Variants in CUX2 observed in about 807,000 individuals in gnomAD.
CUX2 encodes the protein cut like homeobox 2.
Under a neutral mutation model 144.8 loss-of-function variants are expected in CUX2, and 40 were observed. The observed-to-expected ratio is 0.28, with a 90% CI of 0.21 to 0.36. The LOEUF is 0.36. CUX2 is among the 10% of genes least tolerant of loss of function. The pLI is 1.00. For missense variants in CUX2, 1,615 were observed against 1,994.0 expected (o/e 0.81, Z 3.62); for synonymous variants, 827 against 875.6 (o/e 0.94, Z 0.98).
rs556497898 is a variant in CUX2 at position 111,304,857 on chromosome 12, A to G, written c.858+543A>G. ...TTTAGGAGTGTGAGCCAGCCAACAT[A>G]TCAACAGGCAGTCATCACCAGGACT... On this transcript the variant is annotated intron_variant, in intron 10 of 21. Coordinates refer to ENST00000261726, the MANE Select transcript of CUX2 (RefSeq NM_015267.4). The surrounding 1 kb of genome is among the most constrained non-coding windows in gnomAD (Gnocchi z 4.7). Among the ~76,000 whole-genome samples the G allele has an allele frequency of 3.9e-5, 6 of 152,258 alleles. No individual in the cohort carries two copies. Among genetic ancestry groups the G allele is most frequent in the African/African-American group, 1.4e-4 (6 of 41,554 alleles).
rs1387717972 is a variant in CUX2 at position 111,077,024 on chromosome 12, A to T, written c.63+42784A>T. On this transcript the variant is annotated intron_variant, in intron 1 of 21. Coordinates refer to ENST00000261726, the MANE Select transcript of CUX2 (RefSeq NM_015267.4). This position sits in a 1 kb window ranked among gnomAD's most constrained non-coding sequence, Gnocchi z 4.1. ...TGGCTCTTTTCATCTCCTCTTTTAA[A>T]CAGTCCCATTGCAACAGAGCTATTC... is the stretch of plus-strand genomic sequence containing the variant. Among the ~76,000 whole-genome samples the T allele has an allele frequency of 6.6e-6, 1 of 152,196 alleles. No homozygotes were observed. The highest frequency in any genetic ancestry group is 1.5e-5 in the Non-Finnish European group (1 of 68,038).
At chr12:111,210,039 C>T (rs985891257) in intron 1 of CUX2, among the ~76,000 whole-genome samples, 6 of 152,148 alleles carry the variant, frequency 3.9e-5, no homozygotes, top group Non-Finnish European at 8.8e-5. Context: ...TCATGGCTCC[C>T]CCAGGGCTGG....
At chr12:111,083,918 G>A (rs1359658049) in intron 1 of CUX2, among the ~76,000 whole-genome samples, 1 of 152,162 alleles carries the variant, frequency 6.6e-6, no homozygotes, top group African/African-American at 2.4e-5. Context: ...AGAACAACAA[G>A]CCAGCCCTTG....
intron 1 of CUX2, among the ~76,000 whole-genome samples, chr12:111,087,387 A>T (rs1478269986): frequency 2.0e-5 from 3 of 150,072 alleles, no homozygotes; most frequent in Non-Finnish European, 4.4e-5. Flanking sequence ...AAAAAAAAAA[A>T]AAAAAAAGAA....
At chr12:111,041,569 G>A (rs181901042) in intron 1 of CUX2, among the ~76,000 whole-genome samples, 2 of 152,330 alleles carry the variant, frequency 1.3e-5, no homozygotes, top group Admixed American at 1.3e-4. Flanking sequence ...AAACACTTTT[G>A]TGTAAGTTGT....
chr12:111,232,633 A>G (rs1171037408), intron 3 of CUX2, among the ~76,000 whole-genome samples: 2 of 152,246 alleles, frequency 1.3e-5, no homozygotes, highest in Non-Finnish European at 1.5e-5. Flanking sequence ...CCTGAAATCA[A>G]TTCCCCATGG....
intron 4 of CUX2, among the ~76,000 whole-genome samples, chr12:111,270,854 C>T (rs1220301616): frequency 1.3e-5 from 2 of 152,066 alleles, no homozygotes; most frequent in Non-Finnish European, 2.9e-5. Context: ...TGCTCAGTGC[C>T]CAGGCTATAG....
chr12:111,263,624 CAAA>C lies in CUX2; in HGVS notation c.223-134_223-132del, dbSNP rs377704177. 4 of 763,840 alleles carry C rather than the reference CAAA, an allele frequency of 5.2e-6. No homozygotes were observed. Among genetic ancestry groups the C allele is most frequent in the Admixed American group, 4.3e-5 (2 of 46,128 alleles). 47.3% of individuals were successfully genotyped at this position (763,840 alleles called of 1,614,324 possible). On this transcript the variant is annotated intron_variant, in intron 3 of 21. Transcript: ENST00000261726. This position sits in a 1 kb window ranked among gnomAD's most constrained non-coding sequence, Gnocchi z 4.0. Reference sequence around the variant, plus strand: ...TGGGCGACAGAGCAAGACTCTCTCTCAAAAACAAAACAAAACAAAACAAAACAA... The same window carrying C: ...TGGGCGACAGAGCAAGACTCTCTCTCAACAAAACAAAACAAAACAAAACAA...
chr12:111,262,155 T>G (rs1241769253), intron 3 of CUX2, among the ~76,000 whole-genome samples: 1 of 152,188 alleles, frequency 6.6e-6, no homozygotes, highest in Non-Finnish European at 1.5e-5. Flanking sequence ...CTGGGGAAGC[T>G]GCCTTAATGC....
At position 111,103,197 on chromosome 12, in the gene CUX2, G is replaced by C. The variant is rs116676485; in HGVS notation, c.63+68957G>C. On this transcript the variant is annotated intron_variant, in intron 1 of 21. Transcript: ENST00000261726. ...TATAGTAGATGCTCAACCAATGCTT[G>C]TTGGATGGGTGGACAAGCGGTGCAC... Among the ~76,000 whole-genome samples, 708 of 152,278 alleles carry C rather than the reference G, an allele frequency of 4.6e-3. 5 individuals carry two copies. The highest frequency in any genetic ancestry group is 0.016 in the African/African-American group (667 of 41,532).
chr12:111,071,581 A>G (rs1654421341), intron 1 of CUX2, among the ~76,000 whole-genome samples: 1 of 151,964 alleles, frequency 6.6e-6, no homozygotes, highest in African/African-American at 2.4e-5. Context: ...TTCTGTTAAT[A>G]CTCCCTTTCC....
intron 1 of CUX2, among the ~76,000 whole-genome samples, chr12:111,042,158 G>A (rs1367006582): frequency 6.6e-6 from 1 of 152,260 alleles, no homozygotes; most frequent in African/African-American, 2.4e-5. Context: ...GCCCAACGGT[G>A]CTTAAGACTC....
intron 3 of CUX2, among the ~76,000 whole-genome samples, chr12:111,248,616 G>T (rs1004674513): frequency 6.6e-6 from 1 of 152,062 alleles, no homozygotes; most frequent in African/African-American, 2.4e-5. Context: ...ATTTCAAGGA[G>T]GGGGGTGAAG....
intron 1 of CUX2, among the ~76,000 whole-genome samples, chr12:111,143,191 G>C (rs1482424346): frequency 6.6e-6 from 1 of 152,096 alleles, no homozygotes; most frequent in Non-Finnish European, 1.5e-5. Flanking sequence ...CAGCAACAGG[G>C]GGGCCACATG....
intron 18 of CUX2, among the ~76,000 whole-genome samples, chr12:111,333,589 G>C (rs889327394): frequency 9.2e-5 from 14 of 152,052 alleles, no homozygotes; most frequent in Admixed American, 9.2e-4. Context: ...AATCAGATTC[G>C]GGCTGTGTAC....
intron 1 of CUX2, among the ~76,000 whole-genome samples, chr12:111,197,251 C>T (rs1362903946): frequency 6.6e-6 from 1 of 152,218 alleles, no homozygotes; most frequent in African/African-American, 2.4e-5. Context: ...TAGCTCAGTG[C>T]CTACCACTTA....
At chr12:111,194,341 A>G (rs1880103342) in intron 1 of CUX2, among the ~76,000 whole-genome samples, 2 of 152,224 alleles carry the variant, frequency 1.3e-5, no homozygotes, top group South Asian at 2.1e-4. Context: ...CATCCTGCAT[A>G]ATTAACAGGC....
At chr12:111,230,522 C>T (rs942813338) in intron 3 of CUX2, among the ~76,000 whole-genome samples, 3 of 152,178 alleles carry the variant, frequency 2.0e-5, no homozygotes, top group African/African-American at 4.8e-5. Flanking sequence ...TTGAGACACT[C>T]GACCTCAGAG....
At chr12:111,156,985 CAAAAAAAAA>C (rs1200398908) in intron 1 of CUX2, among the ~76,000 whole-genome samples, 8 of 18,998 alleles carry the variant, frequency 4.2e-4, no homozygotes, top group African/African-American at 1.7e-3. Flanking sequence ...AAACTTCTCT[CAAAAAAAAA>C]AAAAAAAAAA....
Sources: gnomAD v4.1 joint callset for allele counts (sites outside exome capture counted in the v4.1 genomes callset) on GRCh38, gnomAD v4.1.1 for gene constraint, Gnocchi (gnomAD v3.1) non-coding constraint, MANE v1.5 for transcripts, NCBI Gene and HGNC (gene_info 2026-07-23, HGNC 2026-07-21) for gene names.